Variants in ANK3 observed in about 807,000 individuals in gnomAD.
ANK3 encodes the protein ankyrin 3, also known as ankyrin-3.
In ANK3, 57 loss-of-function variants were observed where a neutral mutation model predicts 370.9. That is an observed-to-expected ratio of 0.15 (90% confidence interval 0.12 to 0.19). The LOEUF is 0.19. Among genes scored for constraint, ANK3 ranks in the 10% least tolerant of loss-of-function variants. The pLI is 1.00. For synonymous variants in ANK3, 1,929 were observed against 1,946.3 expected (o/e 0.99, Z 0.23); for missense variants, 4,439 against 5,302.1 (o/e 0.84, Z 5.06).
chr10:60,393,490 G>A (rs1594942080), upstream of ANK3, among the ~76,000 whole-genome samples: 2 of 152,132 alleles, frequency 1.3e-5, no homozygotes, highest in Admixed American at 1.3e-4. Flanking sequence ...ATCTTTCCAT[G>A]TTGGGCATAT....
chr10:60,180,615 C>CAAAAAA (rs990463587), intron 18 of ANK3, among the ~76,000 whole-genome samples: 2 of 106,146 alleles, frequency 1.9e-5, no homozygotes, highest in Admixed American at 1.1e-4. Flanking sequence ...AAAAAAAAAC[C>CAAAAAA]AAAAAAAAAA....
intron 2 of ANK3, among the ~76,000 whole-genome samples, chr10:60,468,650 A>G (rs1595089231): frequency 6.6e-6 from 1 of 152,106 alleles, no homozygotes; most frequent in East Asian, 1.9e-4. Flanking sequence ...CAGCTCTGTC[A>G]TTTACTAGAT....
intron 1 of ANK3, among the ~76,000 whole-genome samples, chr10:60,359,421 C>T (rs947658513): frequency 6.8e-4 from 104 of 152,276 alleles, no homozygotes; most frequent in African/African-American, 2.4e-3. Flanking sequence ...CCAAGCCCAA[C>T]TTTGGCAAAG....
intron 1 of ANK3, among the ~76,000 whole-genome samples, chr10:60,350,881 T>TG (rs2056722873): frequency 6.6e-6 from 1 of 152,064 alleles, no homozygotes; most frequent in Non-Finnish European, 1.5e-5. Context: ...CTTTGATACT[T>TG]CCCAGGGCCA....
chr10:60,584,603 C>A (rs572558644), intron 2 of ANK3, among the ~76,000 whole-genome samples: 5 of 152,198 alleles, frequency 3.3e-5, no homozygotes, highest in Admixed American at 3.3e-4. Context: ...GGCAATAGAG[C>A]AAGACCCCAT....
intron 1 of ANK3, among the ~76,000 whole-genome samples, chr10:60,351,540 G>T (rs1013159077): frequency 1.3e-5 from 2 of 152,124 alleles, no homozygotes; most frequent in African/African-American, 4.8e-5. Flanking sequence ...ATTTGAAGAA[G>T]AAAAATAAAA....
intron 1 of ANK3, among the ~76,000 whole-genome samples, chr10:60,363,076 G>T (rs961143194): frequency 6.9e-6 from 1 of 144,128 alleles, no homozygotes; most frequent in Non-Finnish European, 1.5e-5. Context: ...GGGTTGCGGC[G>T]GGCGGGCGGG....
At chr10:60,152,755 T>C (rs1430912721) in intron 23 of ANK3, among the ~76,000 whole-genome samples, 1 of 152,128 alleles carries the variant, frequency 6.6e-6, no homozygotes, top group African/African-American at 2.4e-5. Flanking sequence ...ATAAACACCA[T>C]CCAGGTGAAG....
intron 2 of ANK3, among the ~76,000 whole-genome samples, chr10:60,599,658 A>G (rs184937269): frequency 6.6e-6 from 1 of 152,236 alleles, no homozygotes; most frequent in East Asian, 1.9e-4. Context: ...GACTCTCACA[A>G]TGATATCCTA....
At chr10:60,607,856 TCA>T (rs2078148726) in intron 2 of ANK3, among the ~76,000 whole-genome samples, 3 of 152,146 alleles carry the variant, frequency 2.0e-5, no homozygotes. Flanking sequence ...CAGAGAATGG[TCA>T]CAGAGAGAAG....
chr10:60,695,337 A>G (rs1425149549), intron 1 of ANK3, among the ~76,000 whole-genome samples: 1 of 152,142 alleles, frequency 6.6e-6, no homozygotes, highest in East Asian at 1.9e-4. Flanking sequence ...CATTAGACAG[A>G]TCAACGAGAC....
intron 2 of ANK3, among the ~76,000 whole-genome samples, chr10:60,408,474 C>A (rs538997965): frequency 1.8e-4 from 27 of 152,216 alleles, no homozygotes; most frequent in Non-Finnish European, 3.5e-4. Context: ...CTGCTTTGTC[C>A]TCTGCTTTAA....
intron 2 of ANK3, among the ~76,000 whole-genome samples, chr10:60,485,478 A>G (rs1341708826): frequency 6.6e-6 from 1 of 152,208 alleles, no homozygotes; most frequent in Admixed American, 6.5e-5. Flanking sequence ...CAATGTGATC[A>G]GTTCTGTTGC....
intron 1 of ANK3, among the ~76,000 whole-genome samples, chr10:60,676,016 C>G (rs910869370): frequency 6.6e-6 from 1 of 152,114 alleles, no homozygotes; most frequent in Admixed American, 6.6e-5. Flanking sequence ...AACACAGGCT[C>G]TCTTCAAAAA....
intron 1 of ANK3, among the ~76,000 whole-genome samples, chr10:60,680,336 G>A (rs1464894076): frequency 6.6e-6 from 1 of 152,182 alleles, no homozygotes; most frequent in East Asian, 1.9e-4. Flanking sequence ...TTGAGGCCAG[G>A]GACAATGCAG....
rs992006612 is a variant in ANK3, at chr10:60,225,685, T to C, written c.897+9003A>G. Among the ~76,000 whole-genome samples the C allele has an allele frequency of 1.9e-4, 29 of 152,250 alleles. 1 individual carries two copies. The highest frequency in any genetic ancestry group is 6.7e-4 in the African/African-American group (28 of 41,566). ...CTGCCATACCGCCTATATGTTTAAA[T>C]GAAAATAAGGTAAAATCCTTTTGTG... On this transcript the variant is annotated intron_variant, in intron 8 of 43. Transcript: ENST00000280772.
chr10:60,147,484 A>G (rs1380264773), intron 23 of ANK3, among the ~76,000 whole-genome samples: 2 of 152,180 alleles, frequency 1.3e-5, no homozygotes, highest in African/African-American at 4.8e-5. Flanking sequence ...AATAAGTGCT[A>G]GGATATACTT....
chr10:60,049,640 A>ACATT (rs1554831369), intron 42 of ANK3, among the ~76,000 whole-genome samples: 2 of 152,176 alleles, frequency 1.3e-5, no homozygotes. Context: ...GAAACCTACA[A>ACATT]CATTATAGTG....
rs762639202 is a variant in ANK3, at chr10:60,074,235, C to A, written c.6646G>T (p.Val2216Phe). The change falls in exon 37 of 44, where the codon GTT becomes TTT. Residue 2216 changes from valine to phenylalanine, a missense_variant. By Grantham distance (50) the Val-to-Phe change is conservative. Transcript: ENST00000280772. The part of the protein sequence containing the change: ...KPTTSSIKEK[V>F]KAFQMKASSE... The stretch of plus-strand genomic sequence containing the variant: ...CTGGCTTTCATTTGAAATGCTTTAA[C>A]CTTTTCTTTAATACTAGAGGTGGTG... 4 of 1,614,096 alleles carry A rather than the reference C, an allele frequency of 2.5e-6. No homozygotes were observed. Among genetic ancestry groups the A allele is most frequent in the Non-Finnish European group, 3.4e-6 (4 of 1,179,990 alleles).
Sources: gnomAD v4.1 joint callset for allele counts (sites outside exome capture counted in the v4.1 genomes callset) on GRCh38, gnomAD v4.1.1 for gene constraint, MANE v1.5 for transcripts, NCBI Gene and HGNC (gene_info 2026-07-23, HGNC 2026-07-21) for gene names.